PCSK2: variants seen among roughly 807,000 people sequenced by gnomAD.
PCSK2 encodes the protein neuroendocrine convertase 2.
Under a neutral mutation model 69.7 loss-of-function variants are expected in PCSK2, and 14 were observed. That is an observed-to-expected ratio of 0.20 (90% confidence interval 0.13 to 0.31). The LOEUF is 0.31. Among genes scored for constraint, PCSK2 ranks in the 10% least tolerant of loss-of-function variants. The probability of loss-of-function intolerance (pLI) is 1.00; values close to 1 mark genes in which losing one functional copy is unlikely to be tolerated. For synonymous variants in PCSK2, 307 were observed against 320.7 expected (o/e 0.96, Z 0.46); for missense variants, 544 against 842.5 (o/e 0.65, Z 4.39).
At chr20:17,417,879 A>C (rs2032035938) in intron 6 of PCSK2, among the ~76,000 whole-genome samples, 2 of 152,334 alleles carry the variant, frequency 1.3e-5, no homozygotes, top group South Asian at 2.1e-4. Context: ...TGATGAGTAC[A>C]TGGGATTTTA....
At chr20:17,469,678 C>T (rs1265837569) in intron 11 of PCSK2, among the ~76,000 whole-genome samples, 1 of 152,158 alleles carries the variant, frequency 6.6e-6, no homozygotes, top group Non-Finnish European at 1.5e-5. Flanking sequence ...CATACAGGTC[C>T]TACATTAGGC....
intron 6 of PCSK2, among the ~76,000 whole-genome samples, chr20:17,415,605 C>T (rs957183810): frequency 3.3e-5 from 5 of 152,134 alleles, no homozygotes; most frequent in Non-Finnish European, 7.3e-5. Context: ...GGCCATACTG[C>T]CCAAGGTAAT....
intron 2 of PCSK2, among the ~76,000 whole-genome samples, chr20:17,287,357 G>A (rs1191991160): frequency 5.3e-5 from 8 of 151,922 alleles, no homozygotes; most frequent in East Asian, 3.9e-4. Flanking sequence ...GGAAAGCACC[G>A]TGAAAAATAC....
chr20:17,237,663 T>C (rs1369672779), intron 1 of PCSK2, among the ~76,000 whole-genome samples: 1 of 151,974 alleles, frequency 6.6e-6, no homozygotes, highest in Non-Finnish European at 1.5e-5. Flanking sequence ...TTAATTTGGG[T>C]CCCCAGATGT....
chr20:17,270,114 C>A (rs536810072), intron 2 of PCSK2, among the ~76,000 whole-genome samples: 11 of 152,008 alleles, frequency 7.2e-5, no homozygotes, highest in African/African-American at 2.2e-4. Flanking sequence ...CAGTTATAAT[C>A]GTATGTCTAT....
At chr20:17,300,256 T>C (rs6044729) in intron 2 of PCSK2, among the ~76,000 whole-genome samples, 19,718 of 152,254 alleles carry the variant, frequency 0.13, 1,937 homozygotes, top group East Asian at 0.53. Flanking sequence ...TCCACAGCCC[T>C]GTCCTCCCAA....
chr20:17,257,384 AACCAGAAAT>A (rs1987219818), intron 1 of PCSK2, among the ~76,000 whole-genome samples: 2 of 152,206 alleles, frequency 1.3e-5, no homozygotes, highest in Non-Finnish European at 2.9e-5. Context: ...AAGGATCTAG[AACCAGAAAT>A]ACCATTTGAC....
intron 11 of PCSK2, among the ~76,000 whole-genome samples, chr20:17,471,111 G>A (rs2033193319): frequency 6.6e-6 from 1 of 152,158 alleles, no homozygotes; most frequent in Non-Finnish European, 1.5e-5. Flanking sequence ...GAGGGCAGGA[G>A]GGGAGCACCG....
chr20:17,438,430 T>C (rs895162099), intron 8 of PCSK2, among the ~76,000 whole-genome samples: 2 of 152,194 alleles, frequency 1.3e-5, no homozygotes, highest in African/African-American at 4.8e-5. Context: ...TCCATACATT[T>C]CTTGAGGTCA....
intron 5 of PCSK2, among the ~76,000 whole-genome samples, chr20:17,405,303 G>C (rs1193213665): frequency 6.6e-6 from 1 of 152,172 alleles, no homozygotes; most frequent in African/African-American, 2.4e-5. Flanking sequence ...TATTTGTCTA[G>C]GGCAGCCCAG....
intron 7 of PCSK2, among the ~76,000 whole-genome samples, chr20:17,433,132 A>G (rs2032403159): frequency 6.6e-6 from 1 of 152,174 alleles, no homozygotes; most frequent in South Asian, 2.1e-4. Flanking sequence ...GGGCTTCGGG[A>G]TGAGATCACC....
intron 2 of PCSK2, among the ~76,000 whole-genome samples, chr20:17,335,742 G>A (rs535214628): frequency 7.1e-4 from 107 of 151,624 alleles, no homozygotes; most frequent in Non-Finnish European, 7.1e-4. Flanking sequence ...GAGAACATAC[G>A]ATGTTTGATG....
intron 2 of PCSK2, among the ~76,000 whole-genome samples, chr20:17,356,942 A>T (rs949698507): frequency 6.6e-6 from 1 of 151,818 alleles, no homozygotes; most frequent in Non-Finnish European, 1.5e-5. Flanking sequence ...CTAGAACTTC[A>T]CTCCACCAAC....
chr20:17,298,980 T>C (rs912565851), intron 2 of PCSK2, among the ~76,000 whole-genome samples: 1 of 152,250 alleles, frequency 6.6e-6, no homozygotes, highest in African/African-American at 2.4e-5. Flanking sequence ...ATTTTAGCTC[T>C]TGCATAATGT....
intron 2 of PCSK2, among the ~76,000 whole-genome samples, chr20:17,343,323 G>C (rs1990560529): frequency 6.6e-6 from 1 of 152,208 alleles, no homozygotes; most frequent in African/African-American, 2.4e-5. Flanking sequence ...GAATTGGATG[G>C]TTTTAGTAGC....
intron 11 of PCSK2, among the ~76,000 whole-genome samples, chr20:17,472,640 C>G (rs2033221712): frequency 6.6e-6 from 1 of 152,156 alleles, no homozygotes; most frequent in Non-Finnish European, 1.5e-5. Flanking sequence ...GATCTTGGCT[C>G]ACTACAACCT....
chr20:17,469,672 C>T (rs2033167311), intron 11 of PCSK2, among the ~76,000 whole-genome samples: 1 of 152,142 alleles, frequency 6.6e-6, no homozygotes, highest in Non-Finnish European at 1.5e-5. Context: ...CCCGTGCATA[C>T]AGGTCCTACA....
chr20:17,454,648 T>G (rs2032885576), intron 9 of PCSK2, among the ~76,000 whole-genome samples: 1 of 152,240 alleles, frequency 6.6e-6, no homozygotes. Context: ...TTTTTGGATC[T>G]TTTCCTCTCT....
At chr20:17,347,910 A>C (rs1463678360) in intron 2 of PCSK2, among the ~76,000 whole-genome samples, 1 of 86,482 alleles carries the variant, frequency 1.2e-5, no homozygotes, top group Non-Finnish European at 2.5e-5. Flanking sequence ...GAAAGAAAGA[A>C]AGAAAGAAAG....
Sources: allele counts gnomAD v4.1 joint callset (sites outside exome capture counted in the v4.1 genomes callset), GRCh38; gene constraint gnomAD v4.1.1; transcripts MANE v1.5; gene names NCBI Gene and HGNC (gene_info 2026-07-23, HGNC 2026-07-21).